The following ZNF407 variants were observed in gnomAD, a reference collection of about 807,000 sequenced individuals.
ZNF407 encodes zinc finger protein 407.
ZNF407 carries 17 observed loss-of-function variants against 131.2 expected under a neutral mutation model. The ratio of observed to expected loss-of-function variants is 0.13; its 90% CI spans 0.09 to 0.19. The LOEUF (loss-of-function observed/expected upper bound fraction) is 0.19. Ranked by LOEUF, ZNF407 falls within the 10% of genes least tolerant of loss-of-function variation. ZNF407 has a pLI of 1.00. For synonymous variants in ZNF407, 1,156 were observed against 1,062.0 expected (o/e 1.09, Z -1.72); for missense variants, 2,681 against 2,830.6 (o/e 0.95, Z 1.20).
intron 8 of ZNF407, among the ~76,000 whole-genome samples, chr18:74,927,132 C>A (rs1016809947): frequency 5.9e-5 from 9 of 152,200 alleles, no homozygotes; most frequent in African/African-American, 2.2e-4. Context: ...CTTTTCTCTA[C>A]ACCATTGAAT....
intron 8 of ZNF407, among the ~76,000 whole-genome samples, chr18:75,025,928 A>G (rs573154019): frequency 2.0e-5 from 3 of 152,290 alleles, no homozygotes; most frequent in African/African-American, 7.2e-5. Context: ...TGATTATCCT[A>G]TATGGTTGGT....
chr18:74,664,836 G>A (rs1007779497), intron 3 of ZNF407, among the ~76,000 whole-genome samples: 8 of 152,230 alleles, frequency 5.3e-5, no homozygotes, highest in African/African-American at 1.9e-4. Context: ...CAGGCAGTAG[G>A]AATAGACAAG....
intron 3 of ZNF407, among the ~76,000 whole-genome samples, chr18:74,747,397 A>G (rs1224128189): frequency 6.6e-6 from 1 of 152,160 alleles, no homozygotes; most frequent in East Asian, 1.9e-4. Flanking sequence ...TGAATTGTGA[A>G]AAATTATTTC....
chr18:74,830,981 AT>A (rs1050027132), intron 4 of ZNF407, among the ~76,000 whole-genome samples: 1 of 152,042 alleles, frequency 6.6e-6, no homozygotes, highest in Non-Finnish European at 1.5e-5. Flanking sequence ...ATGAGATCAA[AT>A]TTTTTTAGCT....
At chr18:74,653,455 A>T (rs1263650518) in intron 3 of ZNF407, among the ~76,000 whole-genome samples, 1 of 151,876 alleles carries the variant, frequency 6.6e-6, no homozygotes, top group Non-Finnish European at 1.5e-5. Context: ...TTATAAAATT[A>T]TAATTTTGTA....
At chr18:74,863,082 G>A (rs942554260) in intron 4 of ZNF407, among the ~76,000 whole-genome samples, 1 of 151,676 alleles carries the variant, frequency 6.6e-6, no homozygotes, top group African/African-American at 2.4e-5. Flanking sequence ...CACTACGCCC[G>A]GCTATTTTTT....
intron 7 of ZNF407, among the ~76,000 whole-genome samples, chr18:74,918,005 AG>A (rs1971795756): frequency 6.6e-6 from 1 of 152,202 alleles, no homozygotes; most frequent in South Asian, 2.1e-4. Flanking sequence ...TGCAGAATTA[AG>A]GGGGTAATTT....
At chr18:74,849,377 C>T (rs1407343183) in intron 4 of ZNF407, among the ~76,000 whole-genome samples, 1 of 152,150 alleles carries the variant, frequency 6.6e-6, no homozygotes, top group African/African-American at 2.4e-5. Flanking sequence ...TGCACCCCGC[C>T]GTTTCTTTGC....
At chr18:74,957,593 C>T (rs760134688) in intron 8 of ZNF407, among the ~76,000 whole-genome samples, 14 of 152,116 alleles carry the variant, frequency 9.2e-5, no homozygotes, top group Non-Finnish European at 1.6e-4. Context: ...TAGTAAGTAT[C>T]TAATTAGTGA....
chr18:74,685,660 G>A (rs1324884276), intron 3 of ZNF407, among the ~76,000 whole-genome samples: 1 of 152,134 alleles, frequency 6.6e-6, no homozygotes, highest in Non-Finnish European at 1.5e-5. Context: ...TGAGCTTTTT[G>A]CTCCTTCTTG....
At chr18:75,053,305 G>C (rs1373167326) in intron 8 of ZNF407, among the ~76,000 whole-genome samples, 1 of 152,172 alleles carries the variant, frequency 6.6e-6, no homozygotes, top group South Asian at 2.1e-4. Flanking sequence ...ACCCCGTCAG[G>C]TCTGGGCTCA....
intron 8 of ZNF407, among the ~76,000 whole-genome samples, chr18:75,027,632 A>G (rs1261497749): frequency 6.6e-6 from 1 of 152,214 alleles, no homozygotes; most frequent in Admixed American, 6.5e-5. Flanking sequence ...TGTTGTTGCC[A>G]TCTGATCTCT....
chr18:74,949,647 T>A lies in ZNF407; in HGVS notation c.5428+28955T>A, dbSNP rs867176318. ...GAGGGAGGGTTTCTGAATTCCCAGG[T>A]TAAGAAGACCTGATATAGACAAGTA... is the stretch of plus-strand genomic sequence containing the variant. On this transcript the variant is annotated intron_variant, in intron 8 of 8. Coordinates refer to ENST00000299687, the MANE Select transcript of ZNF407 (RefSeq NM_017757.3). Among the ~76,000 whole-genome samples the A allele has an allele frequency of 3.3e-5, 5 of 152,192 alleles. No homozygotes were observed. In the East Asian group the frequency reaches 9.6e-4, roughly 29 times the overall value.
chr18:74,769,930 A>G (rs555448456), intron 3 of ZNF407, among the ~76,000 whole-genome samples: 8 of 152,348 alleles, frequency 5.3e-5, no homozygotes, highest in African/African-American at 1.7e-4. Flanking sequence ...GAGACACAGG[A>G]CAGTTGAGGG....
At chr18:74,953,057 T>C (rs1370717052) in intron 8 of ZNF407, among the ~76,000 whole-genome samples, 4 of 152,170 alleles carry the variant, frequency 2.6e-5, no homozygotes, top group African/African-American at 9.7e-5. Flanking sequence ...AGCCATAGAA[T>C]GACGGTGAGC....
In ZNF407 at chr18:74,759,613, A is replaced by G. The variant is rs982575605; in HGVS notation, c.4803-21815A>G. On this transcript the variant is annotated intron_variant, in intron 3 of 8. Coordinates refer to ENST00000299687, the MANE Select transcript of ZNF407 (RefSeq NM_017757.3). ...AGACCTTGCTGTATTTTCTGTGACT[A>G]TTTTCTTCTGCCAGTTCAAATCTGC... Among the ~76,000 whole-genome samples, 11 of 151,070 alleles carry G rather than the reference A, an allele frequency of 7.3e-5. 1 individual carries two copies. The highest frequency in any genetic ancestry group is 1.3e-4 in the Admixed American group (2 of 15,164).
intron 1 of ZNF407, among the ~76,000 whole-genome samples, chr18:74,629,216 G>A (rs955880937): frequency 6.6e-5 from 10 of 152,124 alleles, no homozygotes; most frequent in African/African-American, 1.9e-4. Context: ...TCTTGCCAAC[G>A]CTTGTTATCT....
intron 3 of ZNF407, among the ~76,000 whole-genome samples, chr18:74,654,928 T>C (rs1230454786): frequency 6.6e-6 from 1 of 151,890 alleles, no homozygotes; most frequent in Admixed American, 6.6e-5. Flanking sequence ...AGTTGCCCTG[T>C]ACATTTTTCT....
intron 3 of ZNF407, among the ~76,000 whole-genome samples, chr18:74,710,813 A>C (rs1017989773): frequency 2.1e-4 from 32 of 152,208 alleles, no homozygotes; most frequent in African/African-American, 7.2e-4. Context: ...AAATGAACTA[A>C]TTGTTGCGTT....
Sources: gnomAD v4.1 joint callset for allele counts (sites outside exome capture counted in the v4.1 genomes callset) on GRCh38, gnomAD v4.1.1 for gene constraint, MANE v1.5 for transcripts, NCBI Gene and HGNC (gene_info 2026-07-23, HGNC 2026-07-21) for gene names.